The following KCNJ3 variants were observed in gnomAD, a reference collection of about 807,000 sequenced individuals.
KCNJ3 encodes G protein-activated inward rectifier potassium channel 1.
KCNJ3 carries 4 observed loss-of-function variants against 39.2 expected under a neutral mutation model. The observed-to-expected ratio is 0.10, with a 90% CI of 0.05 to 0.23. KCNJ3 has a LOEUF of 0.23. Among genes scored for constraint, KCNJ3 ranks in the 10% least tolerant of loss-of-function variants. KCNJ3 has a pLI of 1.00. For missense variants in KCNJ3, 276 were observed against 634.9 expected, an observed-to-expected ratio of 0.43 and a Z score of 6.08; for synonymous variants, 230 against 237.4, an observed-to-expected ratio of 0.97 and a Z score of 0.29.
intron 2 of KCNJ3, among the ~76,000 whole-genome samples, chr2:154,735,475 C>A (rs1157463056): frequency 1.3e-5 from 2 of 152,160 alleles, no homozygotes; most frequent in Non-Finnish European, 2.9e-5. Context: ...GGAAGACAAT[C>A]AGTTTTACAG....
At chr2:154,739,401 A>G (rs1340394322) in intron 2 of KCNJ3, among the ~76,000 whole-genome samples, 3 of 152,036 alleles carry the variant, frequency 2.0e-5, no homozygotes, top group African/African-American at 7.2e-5. Context: ...GATTCTTAGA[A>G]TAAGTGTCCA....
At chr2:154,734,995 C>T (rs1685502572) in intron 2 of KCNJ3, among the ~76,000 whole-genome samples, 1 of 151,964 alleles carries the variant, frequency 6.6e-6, no homozygotes, top group Admixed American at 6.6e-5. Flanking sequence ...TAAACAAGTT[C>T]CATTTATGTT....
intron 2 of KCNJ3, among the ~76,000 whole-genome samples, chr2:154,778,383 A>G (rs1024616031): frequency 7.2e-5 from 11 of 152,210 alleles, no homozygotes; most frequent in Non-Finnish European, 1.2e-4. Flanking sequence ...GTGCAAAACA[A>G]CAGATCAAAT....
Position 154,810,689 on chromosome 2 carries a change from T to C in KCNJ3, c.920-44038T>C, listed in dbSNP as rs559433455. Among the ~76,000 whole-genome samples the C allele has an allele frequency of 2.6e-5, 4 of 152,226 alleles. No homozygotes were observed. In the South Asian group the frequency reaches 6.2e-4, roughly 24 times the overall value. On this transcript the variant is annotated intron_variant, in intron 2 of 2. Transcript: ENST00000295101. Reference sequence around the variant, plus strand: ...ATTTGAAAAACTAGTCAAAAATATATCAAATCAAACTACAGATGAATTAAA... The same window carrying C: ...ATTTGAAAAACTAGTCAAAAATATACCAAATCAAACTACAGATGAATTAAA...
At chr2:154,701,714 T>C (rs185385321) in intron 1 of KCNJ3, among the ~76,000 whole-genome samples, 56 of 152,184 alleles carry the variant, frequency 3.7e-4, no homozygotes, top group Admixed American at 1.1e-3. Context: ...TCTTATAAAG[T>C]CTTTTACTTT....
At chr2:154,851,919 A>G (rs1403851978) in intron 2 of KCNJ3, among the ~76,000 whole-genome samples, 1 of 152,156 alleles carries the variant, frequency 6.6e-6, no homozygotes, top group Non-Finnish European at 1.5e-5. Context: ...TTTTTTATGT[A>G]ATGTTATTTT....
intron 2 of KCNJ3, among the ~76,000 whole-genome samples, chr2:154,842,117 T>A (rs1192273076): frequency 1.3e-5 from 2 of 152,236 alleles, no homozygotes; most frequent in East Asian, 3.8e-4. Flanking sequence ...TTTAAATGTG[T>A]CCCAGAGATT....
At chr2:154,830,611 A>G (rs1282609966) in intron 2 of KCNJ3, among the ~76,000 whole-genome samples, 1 of 152,194 alleles carries the variant, frequency 6.6e-6, no homozygotes, top group Non-Finnish European at 1.5e-5. Flanking sequence ...GGCTATAATT[A>G]ATGAAATTAA....
At chr2:154,775,107 G>A (rs1686310487) in intron 2 of KCNJ3, among the ~76,000 whole-genome samples, 1 of 152,034 alleles carries the variant, frequency 6.6e-6, no homozygotes, top group Non-Finnish European at 1.5e-5. Context: ...TGTAGAGATG[G>A]CATTTCACCA....
intron 2 of KCNJ3, among the ~76,000 whole-genome samples, chr2:154,739,087 T>C (rs769731080): frequency 9.9e-5 from 15 of 152,090 alleles, no homozygotes; most frequent in Non-Finnish European, 1.6e-4. Flanking sequence ...CTCGTAATCT[T>C]CTAAAGTTAC....
intron 2 of KCNJ3, among the ~76,000 whole-genome samples, chr2:154,778,279 G>T (rs1686374299): frequency 6.6e-6 from 1 of 151,914 alleles, no homozygotes; most frequent in Non-Finnish European, 1.5e-5. Flanking sequence ...AATTCATTTT[G>T]TTCTTTTATT....
At chr2:154,774,252 G>A (rs144978953) in intron 2 of KCNJ3, among the ~76,000 whole-genome samples, 139 of 152,222 alleles carry the variant, frequency 9.1e-4, no homozygotes, top group Admixed American at 1.8e-3. Context: ...TTATAGAATA[G>A]AGCTAGTTTA....
At chr2:154,832,917 G>T (rs980828283) in intron 2 of KCNJ3, among the ~76,000 whole-genome samples, 1 of 152,182 alleles carries the variant, frequency 6.6e-6, no homozygotes, top group African/African-American at 2.4e-5. Flanking sequence ...TTACTTAGGT[G>T]ACTCGGCAAA....
intron 2 of KCNJ3, among the ~76,000 whole-genome samples, chr2:154,816,518 T>C (rs1372431918): frequency 6.6e-6 from 1 of 152,176 alleles, no homozygotes; most frequent in African/African-American, 2.4e-5. Flanking sequence ...TAAAAGCACA[T>C]TCACAAATAC....
At chr2:154,737,260 A>G (rs1009146709) in intron 2 of KCNJ3, among the ~76,000 whole-genome samples, 3 of 152,236 alleles carry the variant, frequency 2.0e-5, no homozygotes, top group African/African-American at 7.2e-5. Context: ...GGGCAAAATT[A>G]TCTCTAGATT....
intron 2 of KCNJ3, among the ~76,000 whole-genome samples, chr2:154,810,283 C>T (rs916273206): frequency 1.3e-5 from 2 of 152,054 alleles, no homozygotes; most frequent in African/African-American, 2.4e-5. Context: ...GGGATTTCAC[C>T]GTGTTGTCCA....
intron 2 of KCNJ3, among the ~76,000 whole-genome samples, chr2:154,727,743 A>T (rs1685384839): frequency 6.6e-6 from 1 of 151,902 alleles, no homozygotes; most frequent in South Asian, 2.1e-4. Flanking sequence ...TGCAGAGGTT[A>T]TACATGATGT....
chr2:154,798,943 G>A (rs1169357640), intron 2 of KCNJ3, among the ~76,000 whole-genome samples: 1 of 151,750 alleles, frequency 6.6e-6, no homozygotes, highest in Non-Finnish European at 1.5e-5. Flanking sequence ...GTGTGTGTGT[G>A]TATGCCATGT....
At chr2:154,853,487 AAATG>A (rs1687789586) in intron 2 of KCNJ3, among the ~76,000 whole-genome samples, 1 of 152,258 alleles carries the variant, frequency 6.6e-6, no homozygotes, top group Middle Eastern at 3.4e-3. Flanking sequence ...GGGAGAATTG[AAATG>A]AATGAAGAAA....
Sources: allele counts gnomAD v4.1 joint callset (sites outside exome capture counted in the v4.1 genomes callset), GRCh38; gene constraint gnomAD v4.1.1; transcripts MANE v1.5; gene names NCBI Gene and HGNC (gene_info 2026-07-23, HGNC 2026-07-21).